The following SYK variants were observed in gnomAD, a reference collection of about 807,000 sequenced individuals.
The protein encoded by SYK is tyrosine-protein kinase SYK.
In SYK, 16 loss-of-function variants were observed where a neutral mutation model predicts 77.8. That is an observed-to-expected ratio of 0.21 (90% CI 0.14 to 0.31). The LOEUF (loss-of-function observed/expected upper bound fraction) is 0.31, where lower values mean the gene tolerates loss of function less well. Among genes scored for constraint, SYK ranks in the 10% least tolerant of loss-of-function variants. The pLI is 1.00. For synonymous variants in SYK, 312 were observed against 308.7 expected (o/e 1.01, Z -0.11); for missense variants, 529 against 814.4 (o/e 0.65, Z 4.26).
At chr9:90,866,762 A>T (rs1827515688) in intron 6 of SYK, among the ~76,000 whole-genome samples, 1 of 152,172 alleles carries the variant, frequency 6.6e-6, no homozygotes, top group Non-Finnish European at 1.5e-5. Flanking sequence ...TGGAACCAGC[A>T]CCCACCATGA....
At chr9:90,859,714 C>T (rs184888875) in intron 3 of SYK, among the ~76,000 whole-genome samples, 2 of 152,276 alleles carry the variant, frequency 1.3e-5, no homozygotes, top group South Asian at 2.1e-4. Flanking sequence ...CCACAAGCAA[C>T]GTAGGAGGGG....
At chr9:90,879,696 T>C (rs1381944228) in intron 11 of SYK, among the ~76,000 whole-genome samples, 1 of 152,242 alleles carries the variant, frequency 6.6e-6, no homozygotes, top group Non-Finnish European at 1.5e-5. Flanking sequence ...GAGATCTAGA[T>C]AGTTATGTGA....
chr9:90,802,379 CA>C (rs1826764882), intron 1 of SYK, among the ~76,000 whole-genome samples: 1 of 152,212 alleles, frequency 6.6e-6, no homozygotes. Context: ...TGAGCTTAGA[CA>C]AATCTTTTAC....
intron 1 of SYK, among the ~76,000 whole-genome samples, chr9:90,843,148 G>T (rs1826439978): frequency 6.6e-6 from 1 of 152,160 alleles, no homozygotes. Context: ...GCGGGGAGAA[G>T]ACAGCCTATG....
At chr9:90,838,213 AT>A (rs1826161042) in intron 1 of SYK, among the ~76,000 whole-genome samples, 1 of 152,192 alleles carries the variant, frequency 6.6e-6, no homozygotes, top group Non-Finnish European at 1.5e-5. Context: ...ACCAACAAAT[AT>A]TTTTGATGAC....
rs1394526857 is a variant in SYK, at chr9:90,828,713, C to T, written c.-41-15145C>T. On this transcript the variant is annotated intron_variant, in intron 1 of 13. Transcript: ENST00000375754. Reference sequence around the variant, plus strand: ...TGTGTGCGTTGCGTGTGCGTCCCTTCCCCCTTCTCTGAGCACACCTGTATG... The same window carrying T: ...TGTGTGCGTTGCGTGTGCGTCCCTTTCCCCTTCTCTGAGCACACCTGTATG... 2.0e-5 allele frequency among the ~76,000 whole-genome samples: 3 copies of T among 152,300 alleles called. No homozygotes were observed. The Middle Eastern group carries it at 0.01, about 518-fold the overall frequency.
chr9:90,830,250 G>C (rs1288171677), intron 1 of SYK, among the ~76,000 whole-genome samples: 2 of 152,252 alleles, frequency 1.3e-5, no homozygotes, highest in African/African-American at 4.8e-5. Context: ...CAGGCCTCAG[G>C]ATGGCGCCGT....
At chr9:90,850,097 C>T (rs915966866) in intron 3 of SYK, among the ~76,000 whole-genome samples, 5 of 152,368 alleles carry the variant, frequency 3.3e-5, no homozygotes, top group African/African-American at 1.2e-4. Flanking sequence ...CTTCCCTTCT[C>T]TTCTTCAGTC....
At chr9:90,863,658 A>G (rs1348935675) in intron 4 of SYK, among the ~76,000 whole-genome samples, 1 of 152,182 alleles carries the variant, frequency 6.6e-6, no homozygotes. Context: ...GATTCGAAAG[A>G]GTATTTAACC....
rs1827303916 is a variant in SYK at position 90,862,336 on chromosome 9, C to G, written c.709C>G (p.Leu237Val). The G allele has an allele frequency of 6.2e-7, 1 of 1,613,762 alleles. No individual in the cohort carries two copies. The highest frequency in any genetic ancestry group is 8.5e-7 in the Non-Finnish European group (1 of 1,179,718). The change falls in exon 4 of 14, where the codon CTC (leucine) becomes GTC (valine). Residue 237 changes from leucine (L) to valine (V), a missense_variant. Transcript: ENST00000375754. The stretch of plus-strand genomic sequence containing the variant: ...CCCCGAGGGAAAGAAGTTCGACACG[C>G]TCTGGCAGGTACCCAGCCTCCTCTC... ...SIPEGKKFDT[L>V]WQLVEHYSYK...
rs201306716 is a variant in SYK at position 90,884,428 on chromosome 9, CAT to C, written c.1582-3318_1582-3317del. On this transcript the variant is annotated intron_variant, in intron 11 of 13. Transcript: ENST00000375754. Reference sequence around the variant, plus strand: ...ATGTGTATATATACATACATATACACATATGTGTGTACATATACATACACATA... The same window carrying C: ...ATGTGTATATATACATACATATACACATGTGTGTACATATACATACACATA... 1.6e-3 allele frequency among the ~76,000 whole-genome samples: 100 copies of C among 64,362 alleles called. 44 individuals are homozygous for C. The highest frequency in any genetic ancestry group is 0.02 in the Middle Eastern group (2 of 98). The allele number at this position is 64,362 out of a possible 152,430, so 42.2% of individuals were successfully genotyped here. A position where few individuals can be genotyped will look rare whatever the true frequency, so the allele number is the denominator to read the frequency against.
At chr9:90,873,172 A>C (rs758564964) in intron 7 of SYK, among the ~76,000 whole-genome samples, 3 of 152,202 alleles carry the variant, frequency 2.0e-5, no homozygotes, top group Non-Finnish European at 4.4e-5. Flanking sequence ...AATATGAATA[A>C]GGCACATGAG....
At chr9:90,883,853 G>C (rs1173444340) in intron 11 of SYK, among the ~76,000 whole-genome samples, 1 of 152,096 alleles carries the variant, frequency 6.6e-6, no homozygotes, top group Non-Finnish European at 1.5e-5. Flanking sequence ...CTACCTGAAA[G>C]CCCAAGGGTC....
intron 3 of SYK, among the ~76,000 whole-genome samples, chr9:90,853,438 A>G (rs143879297): frequency 6.6e-6 from 1 of 151,956 alleles, no homozygotes; most frequent in African/African-American, 2.4e-5. Context: ...TTATTGCGGC[A>G]CTATTCACAA....
intron 1 of SYK, among the ~76,000 whole-genome samples, chr9:90,842,008 G>A (rs1250341712): frequency 7.3e-6 from 1 of 137,500 alleles, no homozygotes; most frequent in Non-Finnish European, 1.7e-5. Context: ...TGTGCAGTGT[G>A]TGATATGTGT....
chr9:90,816,233 A>T (rs1033649957), intron 1 of SYK, among the ~76,000 whole-genome samples: 10 of 152,194 alleles, frequency 6.6e-5, no homozygotes, highest in Non-Finnish European at 1.5e-5. Flanking sequence ...GGACACATCT[A>T]GATGTGTCCC....
intron 1 of SYK, among the ~76,000 whole-genome samples, chr9:90,840,698 A>G (rs1826273449): frequency 6.6e-6 from 1 of 152,186 alleles, no homozygotes. Context: ...AAATGTAGAT[A>G]TACTTTAAAA....
chr9:90,858,336 A>G (rs574314597), intron 3 of SYK, among the ~76,000 whole-genome samples: 1 of 152,374 alleles, frequency 6.6e-6, no homozygotes, highest in South Asian at 2.1e-4. Flanking sequence ...GCTTCTCAGC[A>G]TCATCTCAAG....
intron 11 of SYK, among the ~76,000 whole-genome samples, chr9:90,884,945 A>G (rs1385653254): frequency 6.9e-6 from 1 of 144,038 alleles, no homozygotes; most frequent in Non-Finnish European, 1.5e-5. Flanking sequence ...ATATGTGTAT[A>G]TATATACACA....
Sources: allele counts gnomAD v4.1 joint callset (sites outside exome capture counted in the v4.1 genomes callset), GRCh38; gene constraint gnomAD v4.1.1; transcripts MANE v1.5; gene names NCBI Gene and HGNC (gene_info 2026-07-23, HGNC 2026-07-21).